RSPO2: variants seen among roughly 807,000 people sequenced by gnomAD.
RSPO2 encodes R-spondin-2.
Under a neutral mutation model 30.9 loss-of-function variants are expected in RSPO2, and 14 were observed. That is an observed-to-expected ratio of 0.45 (90% CI 0.30 to 0.71). The LOEUF (loss-of-function observed/expected upper bound fraction) is 0.71. RSPO2 is among the 30% of genes least tolerant of loss of function. The pLI, the probability that RSPO2 is intolerant of heterozygous loss-of-function variation, is 0.08. For missense variants in RSPO2, 264 were observed against 301.9 expected, an observed-to-expected ratio of 0.87 and a Z score of 0.93; for synonymous variants, 107 against 96.4, an observed-to-expected ratio of 1.11 and a Z score of -0.64.
At chr8:107,952,880 CTTTT>C (rs1339953637) in intron 5 of RSPO2, among the ~76,000 whole-genome samples, 1 of 151,648 alleles carries the variant, frequency 6.6e-6, no homozygotes, top group Non-Finnish European at 1.5e-5. Flanking sequence ...CTAATACTTT[CTTTT>C]GTTTCCTACC....
At chr8:108,005,907 T>A (rs1452855405) in intron 2 of RSPO2, among the ~76,000 whole-genome samples, 1 of 152,174 alleles carries the variant, frequency 6.6e-6, no homozygotes, top group Admixed American at 6.5e-5. Context: ...CTATGTCTGA[T>A]ACACCTTGGC....
At chr8:107,918,537 G>C (rs1216387687) in intron 5 of RSPO2, among the ~76,000 whole-genome samples, 3 of 152,066 alleles carry the variant, frequency 2.0e-5, no homozygotes, top group African/African-American at 7.2e-5. Context: ...GGTAACTAAA[G>C]AATATCACTT....
intron 2 of RSPO2, among the ~76,000 whole-genome samples, chr8:108,016,970 TA>T (rs896259645): frequency 1.5e-3 from 222 of 150,080 alleles, no homozygotes; most frequent in African/African-American, 5.2e-3. Context: ...AAACCTCCTT[TA>T]AAAAAAAATA....
In RSPO2 at chr8:108,065,764, G is replaced by A. The variant is rs116299969; in HGVS notation, c.94+16781C>T. On this transcript the variant is annotated intron_variant, in intron 2 of 5. Transcript: ENST00000276659. ...TTAAAGACTGCACAGCAGGCTGGGC[G>A]TGGTAGCTCACGTCTGTAATCCCAG... Among the ~76,000 whole-genome samples the A allele has an allele frequency of 5.9e-3, 903 of 152,184 alleles. 13 individuals carry two copies. The highest frequency in any genetic ancestry group is 0.021 in the African/African-American group (864 of 41,522).
chr8:108,040,405 T>C (rs1422366439), intron 2 of RSPO2, among the ~76,000 whole-genome samples: 3 of 151,880 alleles, frequency 2.0e-5, no homozygotes, highest in Non-Finnish European at 4.4e-5. Context: ...AAAGACACTT[T>C]AGACAAGAAA....
intron 3 of RSPO2, among the ~76,000 whole-genome samples, chr8:107,984,503 T>C (rs1292871895): frequency 1.3e-5 from 2 of 152,204 alleles, no homozygotes; most frequent in Non-Finnish European, 2.9e-5. Context: ...GCACTACTCA[T>C]AATGATAACC....
chr8:108,034,604 G>A (rs1811533724), intron 2 of RSPO2, among the ~76,000 whole-genome samples: 1 of 152,150 alleles, frequency 6.6e-6, no homozygotes, highest in African/African-American at 2.4e-5. Context: ...CCTATTTGTG[G>A]TTTGACTGAA....
chr8:108,054,711 A>C (rs1379231070), intron 2 of RSPO2, among the ~76,000 whole-genome samples: 2 of 152,190 alleles, frequency 1.3e-5, no homozygotes, highest in Non-Finnish European at 2.9e-5. Flanking sequence ...CTAGCATGTA[A>C]AATGCAAGGA....
chr8:107,932,846 G>C (rs980708953), intron 5 of RSPO2, among the ~76,000 whole-genome samples: 3 of 152,088 alleles, frequency 2.0e-5, no homozygotes, highest in African/African-American at 7.2e-5. Context: ...GCTGGCCTGA[G>C]GGATCAGCTG....
At chr8:107,988,674 C>A (rs1379397747) in intron 3 of RSPO2, among the ~76,000 whole-genome samples, 1 of 152,106 alleles carries the variant, frequency 6.6e-6, no homozygotes, top group Admixed American at 6.5e-5. Context: ...GTTGCCCAGG[C>A]TAGAGCACAG....
At chr8:108,068,702 GAAAT>G (rs1812745288) in intron 2 of RSPO2, among the ~76,000 whole-genome samples, 1 of 152,126 alleles carries the variant, frequency 6.6e-6, no homozygotes, top group Admixed American at 6.5e-5. Context: ...TCTGACAAAA[GAAAT>G]AAACCCAGAG....
At chr8:108,079,817 A>C (rs1718366394) in intron 2 of RSPO2, among the ~76,000 whole-genome samples, 1 of 145,716 alleles carries the variant, frequency 6.9e-6, no homozygotes, top group Non-Finnish European at 1.5e-5. Flanking sequence ...AACACCTTTT[A>C]TAAAAAATAC....
intron 5 of RSPO2, among the ~76,000 whole-genome samples, chr8:107,940,284 G>A (rs897905392): frequency 3.4e-5 from 5 of 146,224 alleles, no homozygotes; most frequent in Non-Finnish European, 6.0e-5. Flanking sequence ...ACCAGGTTTC[G>A]TAACTCCAGC....
intron 3 of RSPO2, among the ~76,000 whole-genome samples, chr8:107,964,471 C>T (rs922433692): frequency 2.0e-5 from 3 of 151,976 alleles, no homozygotes; most frequent in Middle Eastern, 3.2e-3. Flanking sequence ...CTCAAAGTCC[C>T]GACCTCAGGT....
At chr8:108,026,337 T>C (rs1811217105) in intron 2 of RSPO2, among the ~76,000 whole-genome samples, 1 of 152,140 alleles carries the variant, frequency 6.6e-6, no homozygotes, top group Non-Finnish European at 1.5e-5. Flanking sequence ...CTAAAACAAT[T>C]TTTTCTTTAA....
At chr8:107,946,227 A>G (rs1268046783) in intron 5 of RSPO2, among the ~76,000 whole-genome samples, 1 of 152,248 alleles carries the variant, frequency 6.6e-6, no homozygotes. Context: ...CCCGTAACAT[A>G]GATGCTGACA....
intron 5 of RSPO2, among the ~76,000 whole-genome samples, chr8:107,911,298 C>G (rs1381841620): frequency 6.6e-6 from 1 of 152,160 alleles, no homozygotes; most frequent in East Asian, 1.9e-4. Flanking sequence ...CCATGGATGC[C>G]TGAACAGCTC....
intron 2 of RSPO2, among the ~76,000 whole-genome samples, chr8:108,048,941 A>G (rs112505724): frequency 5.4e-4 from 82 of 152,312 alleles, no homozygotes; most frequent in African/African-American, 1.9e-3. Flanking sequence ...GTAGTCATTC[A>G]GGAGCAAGTT....
chr8:107,925,364 T>A (rs986290610), intron 5 of RSPO2, among the ~76,000 whole-genome samples: 1 of 151,050 alleles, frequency 6.6e-6, no homozygotes, highest in African/African-American at 2.4e-5. Flanking sequence ...CACACAGAAC[T>A]GACAAAGGAT....
Sources: gnomAD v4.1 joint callset for allele counts (sites outside exome capture counted in the v4.1 genomes callset) on GRCh38, gnomAD v4.1.1 for gene constraint, MANE v1.5 for transcripts, NCBI Gene and HGNC (gene_info 2026-07-23, HGNC 2026-07-21) for gene names.